The following GPRIN2 variants were observed in gnomAD, a reference collection of about 807,000 sequenced individuals.
GPRIN2 encodes the protein G protein regulated inducer of neurite outgrowth 2.
Under a neutral mutation model 0.3 loss-of-function variants are expected in GPRIN2, and 1 was observed. That is an observed-to-expected ratio of 3.90 (90% CI 1.39 to 18.51). The LOEUF (loss-of-function observed/expected upper bound fraction) is 18.51, where lower values mean the gene tolerates loss of function less well. Ranked by LOEUF, GPRIN2 falls within the 30% of genes most tolerant of loss-of-function variation. The pLI, the probability that GPRIN2 is intolerant of heterozygous loss-of-function variation, is 0.11. For synonymous variants in GPRIN2, 361 were observed against 258.6 expected (o/e 1.40, Z -3.80); for missense variants, 880 against 604.2 (o/e 1.46, Z -4.79).
intron 2 of GPRIN2, among the ~76,000 whole-genome samples, chr10:46,554,067 T>G (rs1237042126): frequency 1.3e-5 from 2 of 151,444 alleles, no homozygotes; most frequent in Non-Finnish European, 2.9e-5. Flanking sequence ...TTCTTCAATC[T>G]GCAAAACAGA....
Position 46,549,808 on chromosome 10 carries a change from G to A in GPRIN2, c.929C>T (p.Thr310Ile), listed in dbSNP as rs1832584063. ...AGLVPEPGSR[T>I]KDVWTMTSAN... ...TGAGGTCATGGTCCACACATCTTTG[G>A]TCCTAGAGCCAGGCTCTGGGACTAA... The change falls in exon 3 of 3, where the codon ACC becomes ATC. Residue 310 changes from threonine to isoleucine, a missense_variant. Coordinates refer to ENST00000374314, the MANE Select transcript of GPRIN2 (RefSeq NM_001385282.1). The A allele has an allele frequency of 6.2e-7, 1 of 1,614,204 alleles. No individual in the cohort carries two copies. The highest frequency in any genetic ancestry group is 8.5e-7 in the Non-Finnish European group (1 of 1,180,058).
intron 2 of GPRIN2, chr10:46,551,465 A>C (rs1842602625): frequency 1.0e-6 from 1 of 985,414 alleles, no homozygotes; most frequent in Non-Finnish European, 1.2e-6. Context: ...TTTTTCCATG[A>C]GGGACTCATT....
At chr10:46,557,478 T>C (rs1843365471), upstream of GPRIN2, among the ~76,000 whole-genome samples, 1 of 152,308 alleles carries the variant, frequency 6.6e-6, no homozygotes, top group African/African-American at 2.4e-5. Context: ...CCAGCCCGAC[T>C]TGAGGCCTTC....
In GPRIN2 at chr10:46,549,694, A is replaced by G; in HGVS notation, c.1043T>C (p.Val348Ala). Residue 348 changes from valine to alanine, a missense_variant, in exon 3 of 3, where the codon GTG becomes GCG. By Grantham distance (64) the Val-to-Ala change is moderately conservative. Coordinates refer to ENST00000374314, the MANE Select transcript of GPRIN2 (RefSeq NM_001385282.1). The part of the protein sequence containing the change: ...QAAPVAACKA[V>A]ATSPSLEAPA... ...CGCTTCCAGGGACGGACTGGTGGCC[A>G]CAGCCTTGCAGGCCGCCACTGGGGC... 1.2e-6 allele frequency: 2 copies of G among 1,614,014 alleles called. No homozygotes were observed. Among genetic ancestry groups the G allele is most frequent in the Non-Finnish European group, 8.5e-7 (1 of 1,179,954 alleles).
In GPRIN2 at chr10:46,549,435, C is replaced by G. The variant is rs1346641226; in HGVS notation, c.1302G>C (p.Arg434Ser). Residue 434 changes from arginine to serine, a missense_variant, in exon 3 of 3, where the codon AGG becomes AGC. Coordinates refer to ENST00000374314, the MANE Select transcript of GPRIN2 (RefSeq NM_001385282.1). ...ACTGCATGACAGCCCGCAGTGGCCC[C>G]CTCCGGCCCTCCACAGACAGGCTGT... ...SEDSLSVEGR[R>S]GPLRAVMQSL... is the part of the protein sequence containing the mutation. 2 of 1,596,722 alleles carry G rather than the reference C, an allele frequency of 1.3e-6. No individual in the cohort carries two copies. The highest frequency in any genetic ancestry group is 2.7e-5 in the African/African-American group (2 of 74,666).
rs968227265 is a variant in GPRIN2, at chr10:46,547,337, T to G, written c.*2023A>C. 6.6e-6 allele frequency among the ~76,000 whole-genome samples: 1 copy of G among 152,310 alleles called. No homozygotes were observed. The highest frequency in any genetic ancestry group is 2.4e-5 in the African/African-American group (1 of 41,488). On this transcript the variant is annotated 3_prime_UTR_variant, in exon 3 of 3. Coordinates refer to ENST00000374314, the MANE Select transcript of GPRIN2 (RefSeq NM_001385282.1). ...GGAAGCCAAATGGATATTTCTAAAC[T>G]GAAATCTGGTCCCACCTCAGAACCC...
At chr10:46,557,480 G>A (rs1831740343), upstream of GPRIN2, among the ~76,000 whole-genome samples, 1 of 152,426 alleles carries the variant, frequency 6.6e-6, no homozygotes, top group Admixed American at 6.5e-5. Flanking sequence ...AGCCCGACTT[G>A]AGGCCTTCAG....
In GPRIN2 at chr10:46,546,949, C is replaced by T. The variant is rs1307185159; in HGVS notation, c.*2411G>A. ...AGCCCGGCCTGCCATCCTGGCAAGC[C>T]AGGGCAGCATGGAGGTAGCACAGAG... On this transcript the variant is annotated 3_prime_UTR_variant, in exon 3 of 3. Coordinates refer to ENST00000374314, the MANE Select transcript of GPRIN2 (RefSeq NM_001385282.1). Among the ~76,000 whole-genome samples, 3 of 152,308 alleles carry T rather than the reference C, an allele frequency of 2.0e-5. No individual in the cohort carries two copies. The highest frequency in any genetic ancestry group is 4.4e-5 in the Non-Finnish European group (3 of 68,054).
intron 2 of GPRIN2, among the ~76,000 whole-genome samples, chr10:46,553,455 T>G (rs1455538777): frequency 1.3e-5 from 2 of 152,298 alleles, no homozygotes; most frequent in Non-Finnish European, 2.9e-5. Context: ...GGAGGCCCCA[T>G]CTGGACATCC....
chr10:46,555,252 C>A, intron 1 of GPRIN2: 1 of 154,362 alleles, frequency 6.5e-6, no homozygotes, highest in Non-Finnish European at 1.4e-5. Context: ...TGGCCCAAGT[C>A]CCCTCTAGTT....
intron 1 of GPRIN2, among the ~76,000 whole-genome samples, chr10:46,555,802 T>C (rs1843138119): frequency 6.6e-6 from 1 of 152,312 alleles, no homozygotes; most frequent in African/African-American, 2.4e-5. Flanking sequence ...GCGGCCGGTG[T>C]GTCCCTATCT....
chr10:46,557,223 G>A (rs1831747097), upstream of GPRIN2, among the ~76,000 whole-genome samples: 14 of 152,410 alleles, frequency 9.2e-5, no homozygotes, highest in East Asian at 2.3e-3. Flanking sequence ...CACTAGCCTC[G>A]GACTTTCCAG....
At position 46,546,682 on chromosome 10, in the gene GPRIN2, C is replaced by G. The variant is rs1842189712; in HGVS notation, c.*2678G>C. The stretch of plus-strand genomic sequence containing the variant: ...ACCACTGCAGGCATCAGGGCTGTTC[C>G]AGGAGAGGGCACAGCAAAGGGGGTT... On this transcript the variant is annotated 3_prime_UTR_variant, in exon 3 of 3. Transcript: ENST00000374314. 6.6e-6 allele frequency among the ~76,000 whole-genome samples: 1 copy of G among 152,308 alleles called. No homozygotes were observed.
rs575493925 is a variant in GPRIN2 at position 46,544,864 on chromosome 10, G to T, written c.*4496C>A. Reference sequence around the variant, plus strand: ...TTAAACTAATTTGCCCATGATGACCGTGTGGATTTGGAGGGACCTGGGAAT... The same window carrying T: ...TTAAACTAATTTGCCCATGATGACCTTGTGGATTTGGAGGGACCTGGGAAT... On this transcript the variant is annotated 3_prime_UTR_variant, in exon 3 of 3. Coordinates refer to ENST00000374314, the MANE Select transcript of GPRIN2 (RefSeq NM_001385282.1). 2.0e-5 allele frequency among the ~76,000 whole-genome samples: 3 copies of T among 152,310 alleles called. No homozygotes were observed. In the South Asian group the frequency reaches 6.2e-4, roughly 31 times the overall value.
Position 46,547,679 on chromosome 10 carries a change from G to A in GPRIN2, c.*1681C>T, listed in dbSNP as rs1842290609. On this transcript the variant is annotated 3_prime_UTR_variant, in exon 3 of 3. Transcript: ENST00000374314. ...TCTCATGTGGCCCTAACAGGCTGGG[G>A]TTCCTGGAGACTCCATGGGGAGCCA... 1.3e-5 allele frequency among the ~76,000 whole-genome samples: 2 copies of A among 152,308 alleles called. No homozygotes were observed. The highest frequency in any genetic ancestry group is 2.4e-5 in the African/African-American group (1 of 41,486).
chr10:46,555,984 C>G (rs1271645251), intron 1 of GPRIN2, among the ~76,000 whole-genome samples: 2 of 152,312 alleles, frequency 1.3e-5, no homozygotes. Context: ...CCTCCCGCCC[C>G]TCCTGCACAA....
intron 2 of GPRIN2, 63 bp from the exon 3 acceptor site, chr10:46,550,805 A>T: frequency 6.8e-7 from 1 of 1,470,072 alleles, no homozygotes; most frequent in Non-Finnish European, 9.0e-7. Context: ...AGCCGATTCT[A>T]CTATGAACTC....
At position 46,550,398 on chromosome 10, in the gene GPRIN2, A is replaced by C; in HGVS notation, c.339T>G (p.Ser113Arg). The C allele has an allele frequency of 6.2e-7, 1 of 1,612,020 alleles. No homozygotes were observed. The highest frequency in any genetic ancestry group is 8.5e-7 in the Non-Finnish European group (1 of 1,179,652). ...AATGGCTCCTCTGCATAGCAGCAGC[A>C]CTAGGGGCCCGCAGGCGACACAGGT... Reference protein sequence around the residue: ...GSDLCRLRAPSAAAMQRSHSD... With the variant: ...GSDLCRLRAPRAAAMQRSHSD... The change falls in exon 3 of 3, where the codon AGT becomes AGG. Residue 113 changes from serine (S) to arginine (R), a missense_variant. Transcript: ENST00000374314.
At chr10:46,556,075 G>A (rs1271481554) in intron 1 of GPRIN2, among the ~76,000 whole-genome samples, 1 of 152,430 alleles carries the variant, frequency 6.6e-6, no homozygotes, top group Non-Finnish European at 1.5e-5. Context: ...CAAAGGCAGC[G>A]ACTGCAGGCA....
Sources: allele counts gnomAD v4.1 joint callset (sites outside exome capture counted in the v4.1 genomes callset), GRCh38; gene constraint gnomAD v4.1.1; transcripts MANE v1.5; gene names NCBI Gene and HGNC (gene_info 2026-07-23, HGNC 2026-07-21).